The following ADGRA3 variants were observed in gnomAD, a reference collection of about 807,000 sequenced individuals.
ADGRA3 encodes G-protein coupled receptor 125.
In ADGRA3, 56 loss-of-function variants were observed where a neutral mutation model predicts 119.8. That is an observed-to-expected ratio of 0.47 (90% CI 0.38 to 0.58). The LOEUF is 0.58. Among genes scored for constraint, ADGRA3 ranks in the 20% least tolerant of loss-of-function variants. ADGRA3 has a pLI of 0.00. For missense variants in ADGRA3, 1,516 were observed against 1,649.0 expected, an observed-to-expected ratio of 0.92 and a Z score of 1.40; for synonymous variants, 607 against 623.8, an observed-to-expected ratio of 0.97 and a Z score of 0.40.
chr4:22,391,581 T>C (rs1392270521), intron 17 of ADGRA3, among the ~76,000 whole-genome samples: 1 of 151,282 alleles, frequency 6.6e-6, no homozygotes, highest in Non-Finnish European at 1.5e-5. Context: ...GAATTCCTTG[T>C]TCTTAGGAAT....
intron 16 of ADGRA3, 42 bp from the exon 17 acceptor site, chr4:22,392,732 T>A: frequency 6.3e-7 from 1 of 1,575,870 alleles, no homozygotes. Flanking sequence ...AAAAAAATGT[T>A]CCTACTAAGG....
In ADGRA3 at chr4:22,415,836, TA is replaced by T. The variant is rs957567241; in HGVS notation, c.1810-2023del. Among the ~76,000 whole-genome samples, 856 of 148,090 alleles carry T rather than the reference TA, an allele frequency of 5.8e-3. 4 individuals carry two copies. The highest frequency in any genetic ancestry group is 0.018 in the African/African-American group (735 of 40,484). On this transcript the variant is annotated intron_variant, in intron 12 of 18. Transcript: ENST00000334304. ...ACAAGTTTAAATCTGTAGAACCAAT[TA>T]AAAAAAAAACAATGTACAAAAAACC... is the stretch of plus-strand genomic sequence containing the variant.
At chr4:22,433,303 A>G (rs1716260213) in intron 10 of ADGRA3, among the ~76,000 whole-genome samples, 1 of 152,186 alleles carries the variant, frequency 6.6e-6, no homozygotes, top group Admixed American at 6.5e-5. Context: ...GATTATTTAA[A>G]AGGACTTCCT....
chr4:22,513,859 A>C (rs562521817), intron 1 of ADGRA3, among the ~76,000 whole-genome samples: 4 of 150,608 alleles, frequency 2.7e-5, no homozygotes, highest in East Asian at 3.9e-4. Flanking sequence ...AAAAAAAAAA[A>C]AAAAAAAAAA....
In ADGRA3 at chr4:22,389,092, G is replaced by T; in HGVS notation, c.2719C>A (p.Pro907Thr). 1.2e-6 allele frequency: 2 copies of T among 1,613,526 alleles called. No individual in the cohort carries two copies. The highest frequency in any genetic ancestry group is 1.1e-5 in the South Asian group (1 of 91,050). ...IKNYGSRPNA[P>T]YCWMAWEPSL... The stretch of plus-strand genomic sequence containing the variant: ...CAGAGAATATAAAATACTCACTAGG[G>T]TGCGTTTGGCCGACTGCCGTAATTC... The change falls in exon 18 of 19, where the codon CCC becomes ACC. Residue 907 changes from proline to threonine, a missense_variant. By Grantham distance (38) the Pro-to-Thr change is conservative (BLOSUM62 -1). Coordinates refer to ENST00000334304, the MANE Select transcript of ADGRA3 (RefSeq NM_145290.4).
chr4:22,473,272 AT>A (rs1717920105), intron 2 of ADGRA3: 3 of 152,282 alleles, frequency 2.0e-5, no homozygotes, highest in African/African-American at 7.2e-5. Context: ...TTCTTTATAA[AT>A]TACCCCAGTA....
intron 14 of ADGRA3, among the ~76,000 whole-genome samples, chr4:22,403,047 T>C (rs913596508): frequency 5.3e-5 from 8 of 152,160 alleles, no homozygotes; most frequent in Non-Finnish European, 8.8e-5. Flanking sequence ...AATTGAAATA[T>C]TGACTCTGCT....
chr4:22,495,668 G>C (rs1718792458), intron 1 of ADGRA3, among the ~76,000 whole-genome samples: 1 of 151,968 alleles, frequency 6.6e-6, no homozygotes, highest in Admixed American at 6.6e-5. Flanking sequence ...CAGCACTTTG[G>C]GAGGCCAGGG....
chr4:22,413,095 A>AC (rs1304949254), intron 14 of ADGRA3, 87 bp downstream of exon 14: 18 of 1,069,058 alleles, frequency 1.7e-5, no homozygotes, highest in South Asian at 1.5e-5. Flanking sequence ...AAAAAAACAA[A>AC]AAACAAAAAA....
intron 14 of ADGRA3, among the ~76,000 whole-genome samples, chr4:22,410,555 A>T (rs1560302194): frequency 6.6e-6 from 1 of 152,198 alleles, no homozygotes; most frequent in Non-Finnish European, 1.5e-5. Context: ...ATCCCAAGAT[A>T]GGAATTTAGA....
At chr4:22,437,022 T>C (rs1338952412) in intron 8 of ADGRA3, among the ~76,000 whole-genome samples, 2 of 152,208 alleles carry the variant, frequency 1.3e-5, no homozygotes, top group Non-Finnish European at 2.9e-5. Flanking sequence ...AAATAATTCA[T>C]TGATCTATAA....
rs114871108 is a variant in ADGRA3, at chr4:22,406,028, C to T, written c.2233-3229G>A. On this transcript the variant is annotated intron_variant, in intron 14 of 18. Transcript: ENST00000334304. ...CTCCTTTCTACCTCCATGAGATCAA[C>T]TTTTTCAGCTCCCACATATGAGTGA... 7.3e-3 allele frequency among the ~76,000 whole-genome samples: 1,117 copies of T among 152,206 alleles called. 20 individuals carry two copies. Among genetic ancestry groups the T allele is most frequent in the African/African-American group, 0.025 (1,057 of 41,522 alleles).
At position 22,388,554 on chromosome 4, in the gene ADGRA3, A is replaced by G. The variant is rs1480945453; in HGVS notation, c.3117T>C (p.Ser1039=). Residue 1039 remains serine (S), a synonymous_variant, in exon 19 of 19, where the codon AGT becomes AGC. Transcript: ENST00000334304. The stretch of plus-strand genomic sequence containing the variant: ...CACAATGGTGGACCACGAAGAACGC[A>G]CTGAAGCTTAAACTTGTGGCTCCAA... The part of the protein sequence containing the change: ...FVFGATSLSF[S]AFFVVHHCVN... 1 of 1,613,996 alleles carries G rather than the reference A, an allele frequency of 6.2e-7. No homozygotes were observed. Among genetic ancestry groups the G allele is most frequent in the Non-Finnish European group, 8.5e-7 (1 of 1,180,030 alleles).
chr4:22,439,151 C>T (rs148945757), intron 7 of ADGRA3, among the ~76,000 whole-genome samples: 179 of 152,170 alleles, frequency 1.2e-3, no homozygotes, highest in Non-Finnish European at 1.9e-3. Flanking sequence ...AAGATTATTA[C>T]GAATTTACAT....
At chr4:22,403,655 T>A (rs1033276003) in intron 14 of ADGRA3, among the ~76,000 whole-genome samples, 2 of 151,918 alleles carry the variant, frequency 1.3e-5, no homozygotes, top group African/African-American at 2.4e-5. Flanking sequence ...GTTGGGAGGA[T>A]CACTTGAGTC....
intron 14 of ADGRA3, 98 bp downstream of exon 14, chr4:22,413,084 A>AC (rs1415858351): frequency 3.0e-5 from 27 of 893,120 alleles, no homozygotes; most frequent in Non-Finnish European, 4.6e-5. Context: ...GTAAAAAAAA[A>AC]AAAAAAACAA....
intron 1 of ADGRA3, among the ~76,000 whole-genome samples, chr4:22,480,738 C>T (rs1398679751): frequency 4.6e-5 from 7 of 152,074 alleles, no homozygotes; most frequent in Non-Finnish European, 8.8e-5. Flanking sequence ...TGTATACTTA[C>T]GTTGGTTCCA....
intron 4 of ADGRA3, among the ~76,000 whole-genome samples, chr4:22,450,073 A>G (rs974808770): frequency 1.1e-4 from 17 of 152,168 alleles, no homozygotes; most frequent in Admixed American, 3.9e-4. Context: ...TTGGGGGGAC[A>G]TAAGCAATGA....
intron 3 of ADGRA3, among the ~76,000 whole-genome samples, chr4:22,459,891 T>C (rs1351136312): frequency 6.6e-6 from 1 of 152,128 alleles, no homozygotes; most frequent in East Asian, 1.9e-4. Context: ...AAAGTTCTGG[T>C]AGCCCCGCAC....
Sources: allele counts gnomAD v4.1 joint callset (sites outside exome capture counted in the v4.1 genomes callset), GRCh38; gene constraint gnomAD v4.1.1; transcripts MANE v1.5; gene names NCBI Gene and HGNC (gene_info 2026-07-23, HGNC 2026-07-21).